AGMO: variants seen among roughly 807,000 people sequenced by gnomAD.
AGMO encodes the protein glyceryl-ether monooxygenase.
In AGMO, 75 loss-of-function variants were observed where a neutral mutation model predicts 60.2. The ratio of observed to expected loss-of-function variants is 1.25; its 90% CI spans 1.03 to 1.51. AGMO has a LOEUF of 1.51. AGMO is among the 40% of genes most tolerant of loss of function. The pLI, the probability that AGMO is intolerant of heterozygous loss-of-function variation, is 0.00. For synonymous variants in AGMO, 261 were observed against 177.1 expected (o/e 1.47, Z -3.76); for missense variants, 763 against 525.5 (o/e 1.45, Z -4.42).
the AGMO span, among the ~76,000 whole-genome samples, chr7:15,155,471 G>C: frequency 2.4e-5 from 1 of 41,698 alleles, no homozygotes; most frequent in African/African-American, 8.5e-5. Context: ...TTCCTGTTGT[G>C]AATTTTTCAC....
At chr7:15,494,980 A>T (rs1407341119) in intron 3 of AGMO, among the ~76,000 whole-genome samples, 1 of 152,310 alleles carries the variant, frequency 6.6e-6, no homozygotes, top group East Asian at 1.9e-4. Flanking sequence ...CAGCTGCCAT[A>T]ATTGTAAATA....
intron 6 of AGMO, 38 bp downstream of exon 6, chr7:15,394,075 G>A (rs757063669): frequency 1.8e-5 from 27 of 1,467,366 alleles, no homozygotes; most frequent in Admixed American, 1.7e-5. Flanking sequence ...AATTTTTAGA[G>A]AAATGAAGAA....
At chr7:15,254,299 G>C (rs182612120) in intron 12 of AGMO, among the ~76,000 whole-genome samples, 99 of 152,144 alleles carry the variant, frequency 6.5e-4, no homozygotes, top group African/African-American at 2.2e-3. Context: ...TTAACTTTTT[G>C]AGGAACTTCT....
At chr7:15,524,246 C>T (rs1214968018) in intron 3 of AGMO, among the ~76,000 whole-genome samples, 1 of 151,894 alleles carries the variant, frequency 6.6e-6, no homozygotes, top group South Asian at 2.1e-4. Context: ...TATACACATA[C>T]ATATATTCTA....
intron 12 of AGMO, among the ~76,000 whole-genome samples, chr7:15,273,759 G>A (rs1338323537): frequency 1.3e-5 from 2 of 152,310 alleles, no homozygotes; most frequent in East Asian, 3.9e-4. Context: ...CATGAACATG[G>A]AATGTTCTTC....
intron 3 of AGMO, among the ~76,000 whole-genome samples, chr7:15,480,925 A>G (rs1241270795): frequency 1.4e-5 from 2 of 146,340 alleles, no homozygotes; most frequent in African/African-American, 5.6e-5. Flanking sequence ...TGGGCATCAG[A>G]GAGAAATAAA....
intron 3 of AGMO, among the ~76,000 whole-genome samples, chr7:15,462,340 CTAA>C (rs1011125034): frequency 6.6e-6 from 1 of 152,118 alleles, no homozygotes; most frequent in African/African-American, 2.4e-5. Context: ...TTAGAAAAAT[CTAA>C]TAAAAGTTAT....
chr7:15,135,071 A>AAT, the AGMO span, among the ~76,000 whole-genome samples: 53 of 151,272 alleles, frequency 3.5e-4, 2 homozygotes, highest in South Asian at 5.4e-3. Flanking sequence ...TTAGATATAT[A>AAT]ATATATATAA....
chr7:15,503,888 T>C (rs1783447702), intron 3 of AGMO, among the ~76,000 whole-genome samples: 1 of 151,960 alleles, frequency 6.6e-6, no homozygotes, highest in East Asian at 1.9e-4. Flanking sequence ...ATTTAGAAAA[T>C]GATAAAAACA....
At chr7:15,518,884 A>G (rs996712602) in intron 3 of AGMO, among the ~76,000 whole-genome samples, 2 of 151,992 alleles carry the variant, frequency 1.3e-5, no homozygotes, top group African/African-American at 4.8e-5. Context: ...CTAAAGGAGC[A>G]TGTTCTAACC....
At position 15,322,434 on chromosome 7, in the gene AGMO, GTATATATATAAA is replaced by G. The variant is rs1295939759; in HGVS notation, c.1263+43068_1263+43079del. ...TATAAACATATATATACCTGTGTGTGTATATATATAAATATATATATAAATATATATAAATAT... is the reference window on the plus strand; with the variant it reads ...TATAAACATATATATACCTGTGTGTGTATATATATAAATATATATAAATAT... On this transcript the variant is annotated intron_variant, in intron 12 of 12. Coordinates refer to ENST00000342526, the MANE Select transcript of AGMO (RefSeq NM_001004320.2). 1.6e-4 allele frequency among the ~76,000 whole-genome samples: 14 copies of G among 86,854 alleles called. No individual in the cohort carries two copies. The South Asian group carries it at 1.7e-3, about 10-fold the overall frequency. The allele number at this position is 86,854 out of a possible 152,430, so 57.0% of individuals were successfully genotyped here.
At chr7:15,145,574 T>G in the AGMO span, among the ~76,000 whole-genome samples, 1 of 152,160 alleles carries the variant, frequency 6.6e-6, no homozygotes, top group Non-Finnish European at 1.5e-5. Flanking sequence ...TAATTGTTTT[T>G]ACTGTATTTT....
At position 15,364,794 on chromosome 7, in the gene AGMO, G is replaced by T. The variant is rs147823442; in HGVS notation, c.1263+720C>A. 5.2e-3 allele frequency among the ~76,000 whole-genome samples: 784 copies of T among 152,098 alleles called. 3 individuals carry two copies. The highest frequency in any genetic ancestry group is 0.024 in the Middle Eastern group (7 of 294). Reference sequence around the variant, plus strand: ...CTGATGCTAAGAGCGGGGGATATTAGTATTTATGTTTAATGCTTAAATAAA... The same window carrying T: ...CTGATGCTAAGAGCGGGGGATATTATTATTTATGTTTAATGCTTAAATAAA... On this transcript the variant is annotated intron_variant, in intron 12 of 12. Coordinates refer to ENST00000342526, the MANE Select transcript of AGMO (RefSeq NM_001004320.2).
intron 3 of AGMO, among the ~76,000 whole-genome samples, chr7:15,513,504 CT>C (rs2128531575): frequency 6.6e-6 from 1 of 152,168 alleles, no homozygotes; most frequent in South Asian, 2.1e-4. Context: ...TGACCCTTAC[CT>C]TTGTCAAGTC....
At chr7:15,248,179 C>CATAT (rs71549925) in intron 12 of AGMO, among the ~76,000 whole-genome samples, 357 of 32,588 alleles carry the variant, frequency 0.011, 23 homozygotes, top group Non-Finnish European at 0.02. Context: ...GATCCAGCAC[C>CATAT]ATATATATAT....
chr7:15,173,423 A>G, the AGMO span, among the ~76,000 whole-genome samples: 10 of 152,122 alleles, frequency 6.6e-5, no homozygotes, highest in Non-Finnish European at 1.3e-4. Context: ...TATAGTATTG[A>G]TTCCTTTTAA....
At chr7:15,513,703 T>A (rs1272110395) in intron 3 of AGMO, among the ~76,000 whole-genome samples, 1 of 152,216 alleles carries the variant, frequency 6.6e-6, no homozygotes, top group African/African-American at 2.4e-5. Context: ...CTCTCACTAT[T>A]TTGGCATCTC....
chr7:15,206,480 C>T (rs1243462237), intron 12 of AGMO, among the ~76,000 whole-genome samples: 2 of 152,062 alleles, frequency 1.3e-5, no homozygotes, highest in African/African-American at 2.4e-5. Flanking sequence ...AGAGAGAACA[C>T]AATCACAGCT....
At chr7:15,381,235 AACAG>A (rs1278252051) in intron 10 of AGMO, among the ~76,000 whole-genome samples, 4 of 152,186 alleles carry the variant, frequency 2.6e-5, no homozygotes, top group Admixed American at 6.5e-5. Context: ...CAACAGAGTG[AACAG>A]ACAACCTACA....
Sources: gnomAD v4.1 joint callset for allele counts (sites outside exome capture counted in the v4.1 genomes callset) on GRCh38, gnomAD v4.1.1 for gene constraint, MANE v1.5 for transcripts, NCBI Gene and HGNC (gene_info 2026-07-23, HGNC 2026-07-21) for gene names.